HLCS: variants seen among roughly 807,000 people sequenced by gnomAD.
HLCS encodes holocarboxylase synthetase.
HLCS carries 53 observed loss-of-function variants against 75.0 expected under a neutral mutation model. The ratio of observed to expected loss-of-function variants is 0.71; its 90% CI spans 0.57 to 0.89. The LOEUF is 0.89. HLCS is among the 40% of genes least tolerant of loss of function. The pLI is 0.00. For synonymous variants in HLCS, 431 were observed against 428.6 expected (o/e 1.01, Z -0.07); for missense variants, 966 against 1,074.0 (o/e 0.90, Z 1.41).
At chr21:36,864,128 C>T (rs573886855) in intron 6 of HLCS, among the ~76,000 whole-genome samples, 3 of 152,208 alleles carry the variant, frequency 2.0e-5, no homozygotes, top group South Asian at 2.1e-4. Flanking sequence ...GGCTGGGTTT[C>T]GTGGCTCATG....
rs538177077 is a variant in HLCS, at chr21:36,751,076, T to C, written c.*3170A>G. 7.4e-5 allele frequency: 11 copies of C among 147,864 alleles called. No homozygotes were observed. The highest frequency in any genetic ancestry group is 2.7e-4 in the African/African-American group (11 of 40,222). 9.2% of individuals were successfully genotyped at this position (147,864 alleles called of 1,614,324 possible). ...GGAAATACGTACATATTCCTTACTA[T>C]GTAAAACACTTTATTTATTTTGTAA... On this transcript the variant is annotated 3_prime_UTR_variant, in exon 11 of 11. Coordinates refer to ENST00000674895, the MANE Select transcript of HLCS (RefSeq NM_001352514.2).
chr21:36,893,674 G>C (rs1026524444), intron 6 of HLCS, among the ~76,000 whole-genome samples: 1 of 152,164 alleles, frequency 6.6e-6, no homozygotes, highest in Non-Finnish European at 1.5e-5. Flanking sequence ...GTTCACAATA[G>C]GGTTTGAGCT....
chr21:36,817,952 T>C (rs2061711554), intron 6 of HLCS, among the ~76,000 whole-genome samples: 1 of 152,252 alleles, frequency 6.6e-6, no homozygotes, highest in Admixed American at 6.5e-5. Flanking sequence ...GTCTGGGAAC[T>C]GAAATGAGCT....
intron 6 of HLCS, among the ~76,000 whole-genome samples, chr21:36,826,144 A>G (rs2062002276): frequency 6.6e-6 from 1 of 152,194 alleles, no homozygotes; most frequent in African/African-American, 2.4e-5. Context: ...TCAATTTTGT[A>G]TTACACTGCA....
chr21:36,845,760 TA>T (rs751926837), intron 6 of HLCS, among the ~76,000 whole-genome samples: 1 of 151,764 alleles, frequency 6.6e-6, no homozygotes, highest in Non-Finnish European at 1.5e-5. Context: ...GCTAAGTAGG[TA>T]AAAAAAAGTC....
At chr21:36,781,395 T>C (rs1209496018) in intron 6 of HLCS, among the ~76,000 whole-genome samples, 1 of 152,208 alleles carries the variant, frequency 6.6e-6, no homozygotes, top group African/African-American at 2.4e-5. Context: ...TTACATTTGT[T>C]CAAATATACT....
intron 5 of HLCS, among the ~76,000 whole-genome samples, chr21:36,915,196 G>T (rs562897611): frequency 6.6e-6 from 1 of 152,216 alleles, no homozygotes; most frequent in Non-Finnish European, 1.5e-5. Context: ...CTGTGAGGCC[G>T]CAAGAGGCAC....
chr21:36,873,909 T>A (rs2063858686), intron 6 of HLCS, among the ~76,000 whole-genome samples: 1 of 152,238 alleles, frequency 6.6e-6, no homozygotes, highest in African/African-American at 2.4e-5. Context: ...CTAGAATTTT[T>A]AAATGAAGTC....
intron 1 of HLCS, among the ~76,000 whole-genome samples, chr21:36,983,334 C>T (rs557223418): frequency 1.3e-5 from 2 of 151,806 alleles, no homozygotes; most frequent in South Asian, 4.2e-4. Flanking sequence ...CCTCAGCCTC[C>T]GAAGTAGCTA....
At chr21:36,892,127 A>G (rs2146315451) in intron 6 of HLCS, among the ~76,000 whole-genome samples, 1 of 152,332 alleles carries the variant, frequency 6.6e-6, no homozygotes, top group South Asian at 2.1e-4. Flanking sequence ...AGAGACTTGT[A>G]TCTCTACAGA....
intron 4 of HLCS, 134 bp downstream of exon 4, chr21:36,936,315 C>T: frequency 1.2e-6 from 1 of 827,820 alleles, no homozygotes; most frequent in Non-Finnish European, 2.1e-6. Flanking sequence ...CAAAAGCTCC[C>T]AGCCAATAGT....
At chr21:36,813,855 G>C (rs947473683) in intron 6 of HLCS, among the ~76,000 whole-genome samples, 2 of 152,244 alleles carry the variant, frequency 1.3e-5, no homozygotes, top group South Asian at 4.2e-4. Flanking sequence ...CGAGAGCTTC[G>C]TGTTCCTCAT....
At chr21:36,896,481 A>G in intron 6 of HLCS, 1 of 282,822 alleles carries the variant, frequency 3.5e-6, no homozygotes, top group Admixed American at 5.0e-5. Context: ...ATGCCCCTGA[A>G]AAACATCCTG....
At chr21:36,923,985 C>T (rs375397211) in intron 5 of HLCS, among the ~76,000 whole-genome samples, 3 of 152,174 alleles carry the variant, frequency 2.0e-5, no homozygotes, top group African/African-American at 4.8e-5. Context: ...TGCCTTTAGC[C>T]GGTGCCGTAT....
At chr21:36,974,668 C>G (rs2068889233) in intron 1 of HLCS, 1 of 152,144 alleles carries the variant, frequency 6.6e-6, no homozygotes, top group Non-Finnish European at 1.5e-5. Context: ...ATCACCTAAT[C>G]TGTTATGACT....
intron 9 of HLCS, among the ~76,000 whole-genome samples, chr21:36,758,350 C>T (rs2089686544): frequency 6.6e-6 from 1 of 152,124 alleles, no homozygotes; most frequent in Non-Finnish European, 1.5e-5. Context: ...TCAAGCAATC[C>T]ACCCACCTCA....
chr21:36,777,166 G>A (rs1383296243), intron 6 of HLCS, among the ~76,000 whole-genome samples: 1 of 152,050 alleles, frequency 6.6e-6, no homozygotes, highest in Non-Finnish European at 1.5e-5. Context: ...TAAATGCATC[G>A]CATCTTGTGG....
At chr21:36,792,147 T>C (rs1302781868) in intron 6 of HLCS, among the ~76,000 whole-genome samples, 1 of 152,012 alleles carries the variant, frequency 6.6e-6, no homozygotes, top group African/African-American at 2.4e-5. Context: ...TAAATCCCCT[T>C]CCCATTAACC....
In HLCS at chr21:36,756,245, T is replaced by C. The variant is rs375847542; in HGVS notation, c.2450+297A>G. Among the ~76,000 whole-genome samples the C allele has an allele frequency of 1.0e-4, 15 of 148,912 alleles. No homozygotes were observed. In the South Asian group the frequency reaches 1.2e-3, roughly 12 times the overall value. On this transcript the variant is annotated intron_variant, in intron 10 of 10. Coordinates refer to ENST00000674895, the MANE Select transcript of HLCS (RefSeq NM_001352514.2). Reference sequence around the variant, plus strand: ...CAAGGTCAGGAGATCGAGACCATCCTGGCTAACACGGTGAAACCCCACCTC... The same window carrying C: ...CAAGGTCAGGAGATCGAGACCATCCCGGCTAACACGGTGAAACCCCACCTC...
Sources: allele counts gnomAD v4.1 joint callset (sites outside exome capture counted in the v4.1 genomes callset), GRCh38; gene constraint gnomAD v4.1.1; transcripts MANE v1.5; gene names NCBI Gene and HGNC (gene_info 2026-07-23, HGNC 2026-07-21).